MAPK8IP3: variants seen among roughly 807,000 people sequenced by gnomAD.
MAPK8IP3 encodes the protein C-Jun-amino-terminal kinase-interacting protein 3.
Under a neutral mutation model 157.8 loss-of-function variants are expected in MAPK8IP3, and 49 were observed. That is an observed-to-expected ratio of 0.31 (90% CI 0.25 to 0.39). The LOEUF (loss-of-function observed/expected upper bound fraction) is 0.39, where lower values mean the gene tolerates loss of function less well. MAPK8IP3 is among the 10% of genes least tolerant of loss of function. MAPK8IP3 has a pLI of 1.00. For synonymous variants in MAPK8IP3, 897 were observed against 777.7 expected, an observed-to-expected ratio of 1.15 and a Z score of -2.55; for missense variants, 1,478 against 1,889.4, an observed-to-expected ratio of 0.78 and a Z score of 4.04.
At chr16:1,746,738 C>G (rs1255857535) in intron 5 of MAPK8IP3, 1 of 441,550 alleles carries the variant, frequency 2.3e-6, no homozygotes, top group East Asian at 4.0e-5. Context: ...TGGCCCATTA[C>G]AAGCAATCGT....
chr16:1,717,906 C>T (rs951348294), intron 1 of MAPK8IP3, among the ~76,000 whole-genome samples: 2 of 151,796 alleles, frequency 1.3e-5, no homozygotes, highest in Non-Finnish European at 2.9e-5. Flanking sequence ...GGCTGGAGTG[C>T]AGTGGCACGA....
chr16:1,721,237 G>A (rs149211473), intron 1 of MAPK8IP3, among the ~76,000 whole-genome samples: 2 of 151,542 alleles, frequency 1.3e-5, no homozygotes, highest in East Asian at 3.9e-4. Context: ...GGAGGCTGAG[G>A]CAGGAGAATC....
chr16:1,758,243 A>C (rs2041732914), intron 9 of MAPK8IP3, 84 bp downstream of exon 9: 1 of 1,534,716 alleles, frequency 6.5e-7, no homozygotes, highest in African/African-American at 1.4e-5. Context: ...CTATCCCGTC[A>C]CCGTGGCTGT....
Position 1,741,277 on chromosome 16 carries a change from G to A in MAPK8IP3, c.603-2055G>A, listed in dbSNP as rs920612083. Among the ~76,000 whole-genome samples the A allele has an allele frequency of 7.2e-5, 11 of 152,162 alleles. No individual in the cohort carries two copies. The highest frequency in any genetic ancestry group is 1.9e-4 in the East Asian group (1 of 5,190). Reference sequence around the variant, plus strand: ...AGCTGCGAGGACAAATCGGGAGGACGGGGTCAGTCGGCAAACGCTCACGAG... The same window carrying A: ...AGCTGCGAGGACAAATCGGGAGGACAGGGTCAGTCGGCAAACGCTCACGAG... On this transcript the variant is annotated intron_variant, in intron 4 of 31. Coordinates refer to ENST00000610761, the MANE Select transcript of MAPK8IP3 (RefSeq NM_001318852.2). The surrounding 1 kb of genome is among the most constrained non-coding windows in gnomAD (Gnocchi z 6.9).
rs1269624532 is a variant in MAPK8IP3, at chr16:1,768,848, C to G, written c.*24C>G. The G allele has an allele frequency of 1.9e-6, 3 of 1,609,970 alleles. No individual in the cohort carries two copies. Among genetic ancestry groups the G allele is most frequent in the Non-Finnish European group, 2.5e-6 (3 of 1,179,220 alleles). Reference sequence around the variant, plus strand: ...GAAGCTGCTGCCCTGCCTGGCCCGACCTGTACATAGGACCCCCGACCACCT... The same window carrying G: ...GAAGCTGCTGCCCTGCCTGGCCCGAGCTGTACATAGGACCCCCGACCACCT... On this transcript the variant is annotated 3_prime_UTR_variant, in exon 32 of 32. Coordinates refer to ENST00000610761, the MANE Select transcript of MAPK8IP3 (RefSeq NM_001318852.2).
intron 19 of MAPK8IP3, 132 bp from the exon 20 acceptor site, chr16:1,764,881 G>A: frequency 1.2e-6 from 1 of 844,292 alleles, no homozygotes; most frequent in Non-Finnish European, 1.8e-6. Flanking sequence ...TGGTCCTGGG[G>A]GAGGACAGCC....
intron 8 of MAPK8IP3, among the ~76,000 whole-genome samples, chr16:1,750,599 C>G (rs1378685980): frequency 6.6e-6 from 1 of 150,950 alleles, no homozygotes; most frequent in East Asian, 2.0e-4. Context: ...TCAGCAAATG[C>G]CAAGAAGAGA....
rs764169058 is a variant in MAPK8IP3, at chr16:1,764,471, C to T, written c.2280+12C>T. 8 of 1,606,360 alleles carry T rather than the reference C, an allele frequency of 5.0e-6. No individual in the cohort carries two copies. Among genetic ancestry groups the T allele is most frequent in the East Asian group, 4.5e-5 (2 of 44,698 alleles). On this transcript the variant is annotated intron_variant, in intron 19 of 31. Coordinates refer to ENST00000610761, the MANE Select transcript of MAPK8IP3 (RefSeq NM_001318852.2). The stretch of plus-strand genomic sequence containing the variant: ...CCGAGAAGAAGAAGGTGAGCATGGC[C>T]GAGGCCACCGGGCACCCTCCCTGGC...
At position 1,759,947 on chromosome 16, in the gene MAPK8IP3, T is replaced by A; in HGVS notation, c.1247-11T>A. 1 of 1,613,876 alleles carries A rather than the reference T, an allele frequency of 6.2e-7. No individual in the cohort carries two copies. Among genetic ancestry groups the A allele is most frequent in the Non-Finnish European group, 8.5e-7 (1 of 1,179,736 alleles). On this transcript the variant is annotated splice_polypyrimidine_tract_variant and intron_variant, in intron 10 of 31. Coordinates refer to ENST00000610761, the MANE Select transcript of MAPK8IP3 (RefSeq NM_001318852.2). Reference sequence around the variant, plus strand: ...AGGGCACAGGTGAAACCTCCGCACCTTCTGTTTCAGGAATGGGCAAAGAAG... The same window carrying A: ...AGGGCACAGGTGAAACCTCCGCACCATCTGTTTCAGGAATGGGCAAAGAAG...
intron 5 of MAPK8IP3, chr16:1,746,709 T>C (rs1283581704): frequency 2.7e-5 from 10 of 366,584 alleles, no homozygotes; most frequent in Non-Finnish European, 5.0e-5. Flanking sequence ...GGGCTGCCGC[T>C]GTGTCCCTGG....
At chr16:1,728,620 A>G (rs1370317894) in intron 2 of MAPK8IP3, among the ~76,000 whole-genome samples, 2 of 148,242 alleles carry the variant, frequency 1.3e-5, no homozygotes, top group African/African-American at 5.1e-5. Flanking sequence ...CCCATGGCAC[A>G]GCACACACAG....
Position 1,766,666 on chromosome 16 carries a change from C to A in MAPK8IP3, c.2939+18C>A, listed in dbSNP as rs1220797671. 24 of 1,612,322 alleles carry A rather than the reference C, an allele frequency of 1.5e-5. No homozygotes were observed. Among genetic ancestry groups the A allele is most frequent in the Non-Finnish European group, 2.0e-5 (24 of 1,179,872 alleles). On this transcript the variant is annotated intron_variant, in intron 23 of 31. Transcript: ENST00000610761. The stretch of plus-strand genomic sequence containing the variant: ...AACGGCTGGTAGGAAGGGCCCGGGG[C>A]AAGGTGGAGGGAGGGTCCTGGGTGA...
chr16:1,731,261 G>A (rs766084018), intron 4 of MAPK8IP3, among the ~76,000 whole-genome samples: 9 of 152,350 alleles, frequency 5.9e-5, no homozygotes, highest in South Asian at 4.1e-4. Context: ...CCCCAGGGGC[G>A]GAGGTGGCAG....
At chr16:1,762,809 C>T in intron 15 of MAPK8IP3, 27 bp from the exon 16 acceptor site, 1 of 1,608,168 alleles carries the variant, frequency 6.2e-7, no homozygotes, top group Non-Finnish European at 8.5e-7. Context: ...CCTCTGCCCA[C>T]CCCTCACCTC....
At position 1,706,673 on chromosome 16, in the gene MAPK8IP3, G is replaced by T. The variant is rs1237444064; in HGVS notation, c.318+16G>T. On this transcript the variant is annotated intron_variant, in intron 1 of 31. Transcript: ENST00000610761. This position sits in a 1 kb window ranked among gnomAD's most constrained non-coding sequence, Gnocchi z 5.1. The stretch of plus-strand genomic sequence containing the variant: ...GGCGGAGGAGGTGCGTGGGCCGCGG[G>T]ACCCGCCCGCATCCCCGTCCCGGAC... 2.0e-6 allele frequency: 3 copies of T among 1,521,902 alleles called. No individual in the cohort carries two copies. The highest frequency in any genetic ancestry group is 2.0e-5 in the Admixed American group (1 of 50,130). 94.3% of individuals were successfully genotyped at this position (1,521,902 alleles called of 1,614,324 possible).
Position 1,760,495 on chromosome 16 carries a change from G to A in MAPK8IP3, c.1420G>A (p.Glu474Lys), listed in dbSNP as rs777467305. The A allele has an allele frequency of 6.2e-7, 1 of 1,613,868 alleles. No individual in the cohort carries two copies. Among genetic ancestry groups the A allele is most frequent in the Admixed American group, 1.7e-5 (1 of 60,010 alleles). ...EAAKQAKVKL[E>K]NRIKELEEEL... ...TGCTAAGCAGGCCAAAGTCAAGCTGGAAAACCGTATCAAGGAGCTGGAAGA... is the reference window on the plus strand; with the variant it reads ...TGCTAAGCAGGCCAAAGTCAAGCTGAAAAACCGTATCAAGGAGCTGGAAGA... The change falls in exon 12 of 32, where the codon GAA becomes AAA. Residue 474 changes from glutamate to lysine, a missense_variant. Glu to Lys is a moderately conservative substitution (Grantham distance 56). This residue lies in a region of MAPK8IP3 where 96 missense variants were observed against 106.3 expected (regional missense o/e 0.90). Transcript: ENST00000610761.
intron 1 of MAPK8IP3, among the ~76,000 whole-genome samples, chr16:1,716,310 CTT>C (rs1195691751): frequency 1.4e-4 from 18 of 129,472 alleles, no homozygotes; most frequent in Non-Finnish European, 1.0e-4. Context: ...CAGGTCATTT[CTT>C]TTTTTTTTTT....
At chr16:1,765,614 C>T (rs1057369739) in intron 20 of MAPK8IP3, among the ~76,000 whole-genome samples, 16 of 152,194 alleles carry the variant, frequency 1.1e-4, no homozygotes, top group South Asian at 4.1e-4. Context: ...ACTGGGAGGA[C>T]GAAGGGGTGC....
chr16:1,766,245 G>A lies in MAPK8IP3; in HGVS notation c.2655G>A (p.Gly885=). The A allele has an allele frequency of 6.2e-7, 1 of 1,610,606 alleles. No homozygotes were observed. The highest frequency in any genetic ancestry group is 1.1e-5 in the South Asian group (1 of 91,054). The change falls in exon 22 of 32, where the codon GGG becomes GGA. Residue 885 remains glycine, a synonymous_variant. Transcript: ENST00000610761. ...GQGEVATIAN[G]KVNPSQSTEE... ...GGGAGGTGGCCACCATCGCCAACGG[G>A]AAGGTCAACCCGTCCCAGTCCACAG... is the stretch of plus-strand genomic sequence containing the variant.
Sources: gnomAD v4.1 joint callset for allele counts (sites outside exome capture counted in the v4.1 genomes callset) on GRCh38, gnomAD v4.1.1 for gene constraint, gnomAD v4.1.1 regional missense constraint, Gnocchi (gnomAD v3.1) non-coding constraint, MANE v1.5 for transcripts, NCBI Gene and HGNC (gene_info 2026-07-23, HGNC 2026-07-21) for gene names.